MDFIC2: variants seen among roughly 807,000 people sequenced by gnomAD.
The protein encoded by MDFIC2 is myoD family inhibitor domain-containing protein 2.
At chr3:70,296,039 A>G (rs1702286676) in intron 2 of MDFIC2, among the ~76,000 whole-genome samples, 1 of 152,222 alleles carries the variant, frequency 6.6e-6, no homozygotes, top group African/African-American at 2.4e-5. Flanking sequence ...CTTGTGAAAG[A>G]CATCACCAGG....
At chr3:70,255,473 A>G (rs1236291454) in intron 2 of MDFIC2, among the ~76,000 whole-genome samples, 1 of 152,118 alleles carries the variant, frequency 6.6e-6, no homozygotes, top group Non-Finnish European at 1.5e-5. Context: ...TCTGTTGCCC[A>G]GGCAGTGGTA....
intron 2 of MDFIC2, among the ~76,000 whole-genome samples, chr3:70,242,612 A>C (rs1701674287): frequency 6.6e-6 from 1 of 152,158 alleles, no homozygotes; most frequent in Admixed American, 6.5e-5. Flanking sequence ...ATATCTGTTA[A>C]ATGGTTTCCA....
intron 3 of MDFIC2, among the ~76,000 whole-genome samples, chr3:70,202,638 C>A (rs1361875069): frequency 6.6e-6 from 1 of 152,094 alleles, no homozygotes; most frequent in Non-Finnish European, 1.5e-5. Flanking sequence ...GATCAGAGAC[C>A]TGCAGGCTGC....
intron 2 of MDFIC2, among the ~76,000 whole-genome samples, chr3:70,275,681 G>A (rs1702018181): frequency 1.3e-5 from 2 of 152,138 alleles, no homozygotes; most frequent in South Asian, 2.1e-4. Flanking sequence ...GTTCATCAGC[G>A]ATAACAATAC....
At chr3:70,209,720 T>C (rs1014174099) in intron 2 of MDFIC2, among the ~76,000 whole-genome samples, 2 of 152,098 alleles carry the variant, frequency 1.3e-5, no homozygotes, top group African/African-American at 4.8e-5. Flanking sequence ...TTAGCTTTTA[T>C]CTCTCCTTCC....
intron 2 of MDFIC2, 41 bp from the exon 3 acceptor site, chr3:70,206,831 G>T: frequency 5.0e-6 from 2 of 396,818 alleles, no homozygotes; most frequent in South Asian, 2.6e-4. Flanking sequence ...AACCCACTAT[G>T]GTTTACGTGA....
intron 2 of MDFIC2, among the ~76,000 whole-genome samples, chr3:70,280,121 G>A (rs568412240): frequency 6.6e-6 from 1 of 152,216 alleles, no homozygotes; most frequent in South Asian, 2.1e-4. Flanking sequence ...GCCTCTTCCA[G>A]CTTCTGGGGG....
chr3:70,278,909 A>G (rs1428528374), intron 2 of MDFIC2, among the ~76,000 whole-genome samples: 2 of 151,788 alleles, frequency 1.3e-5, no homozygotes, highest in Non-Finnish European at 2.9e-5. Context: ...AGTGTTTGAC[A>G]TGTATCTGGA....
chr3:70,207,267 A>T (rs1235740552), intron 2 of MDFIC2, among the ~76,000 whole-genome samples: 1 of 152,068 alleles, frequency 6.6e-6, no homozygotes, highest in Admixed American at 6.6e-5. Flanking sequence ...AAAAAGAAAA[A>T]TGCATATAAA....
At chr3:70,224,806 A>G (rs1340688992) in intron 2 of MDFIC2, among the ~76,000 whole-genome samples, 2 of 152,084 alleles carry the variant, frequency 1.3e-5, no homozygotes, top group Admixed American at 6.6e-5. Flanking sequence ...TGATAATATC[A>G]CTGTAATTTT....
chr3:70,216,414 C>G (rs537847379), intron 2 of MDFIC2, among the ~76,000 whole-genome samples: 51 of 151,744 alleles, frequency 3.4e-4, no homozygotes, highest in African/African-American at 1.2e-3. Context: ...TCCCAGCAAC[C>G]CTATGTGGTA....
chr3:70,307,171 T>C lies in MDFIC2; in HGVS notation c.88+4715A>G, dbSNP rs1354665952. Among the ~76,000 whole-genome samples the C allele has an allele frequency of 2.0e-5, 3 of 152,170 alleles. No individual in the cohort carries two copies. The East Asian group carries it at 5.8e-4, about 29-fold the overall frequency. Reference sequence around the variant, plus strand: ...AGACCCCAGAGCCTGGTTTCATTTGTCCTTGGTATTTTATTGTTGTTGTTT... The same window carrying C: ...AGACCCCAGAGCCTGGTTTCATTTGCCCTTGGTATTTTATTGTTGTTGTTT... On this transcript the variant is annotated intron_variant, in intron 2 of 3. Transcript: ENST00000567252.
intron 2 of MDFIC2, among the ~76,000 whole-genome samples, chr3:70,269,233 G>A (rs958135787): frequency 6.6e-6 from 1 of 152,102 alleles, no homozygotes; most frequent in Admixed American, 6.5e-5. Context: ...ATCAATTATA[G>A]GCTAGGTCAT....
intron 2 of MDFIC2, among the ~76,000 whole-genome samples, chr3:70,288,901 C>A (rs1416109068): frequency 6.0e-5 from 9 of 149,298 alleles, no homozygotes; most frequent in East Asian, 2.0e-4. Flanking sequence ...TTTTTGTTTT[C>A]CATTTGCTTG....
intron 2 of MDFIC2, among the ~76,000 whole-genome samples, chr3:70,239,834 C>T (rs560318893): frequency 2.6e-5 from 4 of 152,102 alleles, no homozygotes; most frequent in Admixed American, 6.6e-5. Flanking sequence ...GTGAGTCCAG[C>T]GTCTGGCAGA....
At chr3:70,278,910 T>C (rs1414917854) in intron 2 of MDFIC2, among the ~76,000 whole-genome samples, 1 of 151,728 alleles carries the variant, frequency 6.6e-6, no homozygotes, top group African/African-American at 2.4e-5. Context: ...GTGTTTGACA[T>C]GTATCTGGAG....
chr3:70,241,006 T>A (rs980986132), intron 2 of MDFIC2, among the ~76,000 whole-genome samples: 4 of 152,166 alleles, frequency 2.6e-5, no homozygotes, highest in African/African-American at 9.7e-5. Flanking sequence ...ATATTCATTT[T>A]TTCGTGTCCA....
intron 2 of MDFIC2, among the ~76,000 whole-genome samples, chr3:70,307,292 T>G (rs1267479730): frequency 6.6e-6 from 1 of 152,058 alleles, no homozygotes; most frequent in Non-Finnish European, 1.5e-5. Flanking sequence ...TCCTGAAAAA[T>G]CAGGAGACAC....
At chr3:70,245,690 T>TAC (rs1485551474) in intron 2 of MDFIC2, among the ~76,000 whole-genome samples, 3 of 134,836 alleles carry the variant, frequency 2.2e-5, no homozygotes, top group Admixed American at 7.4e-5. Flanking sequence ...TATATATATA[T>TAC]ATATATATAT....
Sources: allele counts gnomAD v4.1 joint callset (sites outside exome capture counted in the v4.1 genomes callset), GRCh38; gene constraint gnomAD v4.1.1; transcripts MANE v1.5; gene names NCBI Gene and HGNC (gene_info 2026-07-23, HGNC 2026-07-21).